The following LRRC3B variants were observed in gnomAD, a reference collection of about 807,000 sequenced individuals.
LRRC3B encodes the protein leucine rich repeat containing 3B, also known as leucine-rich repeat-containing protein 3B.
In LRRC3B, 2 loss-of-function variants were observed where a neutral mutation model predicts 12.8. The ratio of observed to expected loss-of-function variants is 0.16; its 90% CI spans 0.06 to 0.49. LRRC3B has a LOEUF of 0.49. Among genes scored for constraint, LRRC3B ranks in the 20% least tolerant of loss-of-function variants. The probability of loss-of-function intolerance (pLI) is 0.96; values close to 1 mark genes in which losing one functional copy is unlikely to be tolerated. For missense variants in LRRC3B, 189 were observed against 319.4 expected (o/e 0.59, Z 3.11); for synonymous variants, 132 against 122.0 (o/e 1.08, Z -0.54).
chr3:26,667,119 G>GAA (rs368094321), intron 1 of LRRC3B, among the ~76,000 whole-genome samples: 6,123 of 101,472 alleles, frequency 0.06, 328 homozygotes, highest in African/African-American at 0.11. Flanking sequence ...TCACTTTCAA[G>GAA]AAAAAAAAAA....
chr3:26,660,768 G>A (rs1412356620), intron 1 of LRRC3B, among the ~76,000 whole-genome samples: 2 of 152,106 alleles, frequency 1.3e-5, no homozygotes, highest in Non-Finnish European at 2.9e-5. Context: ...AGACCTTGAG[G>A]TCAGAGAGCA....
At chr3:26,663,472 T>C (rs540438925) in intron 1 of LRRC3B, among the ~76,000 whole-genome samples, 1 of 152,322 alleles carries the variant, frequency 6.6e-6, no homozygotes, top group East Asian at 1.9e-4. Flanking sequence ...AATGTAATCA[T>C]GCCTAAATTG....
intron 1 of LRRC3B, 35 bp from the exon 2 acceptor site, chr3:26,709,478 A>G: frequency 1.6e-6 from 1 of 606,904 alleles, no homozygotes; most frequent in Non-Finnish European, 2.9e-6. Flanking sequence ...TCCCTTTGCA[A>G]AGGAACTAAT....
intron 1 of LRRC3B, among the ~76,000 whole-genome samples, chr3:26,707,324 C>T (rs569135772): frequency 3.9e-5 from 6 of 152,144 alleles, no homozygotes; most frequent in Non-Finnish European, 8.8e-5. Flanking sequence ...CGAGATCACA[C>T]CACTGCTCTC....
In LRRC3B at chr3:26,709,567, T is replaced by C; in HGVS notation, c.-106T>C. 7 of 1,161,060 alleles carry C rather than the reference T, an allele frequency of 6.0e-6. No individual in the cohort carries two copies. In the South Asian group the frequency reaches 1.0e-4, roughly 17 times the overall value. 71.9% of individuals were successfully genotyped at this position (1,161,060 alleles called of 1,614,324 possible). A position where few individuals can be genotyped will look rare whatever the true frequency, so the allele number is the denominator to read the frequency against. ...AGACACATGTGTTAGCTGCAGCCTT[T>C]TGAAACACGCAAGAAGGAAATCAAT... On this transcript the variant is annotated 5_prime_UTR_variant, in exon 2 of 2. Transcript: ENST00000396641.
At chr3:26,702,098 A>T (rs1396007324) in intron 1 of LRRC3B, among the ~76,000 whole-genome samples, 1 of 152,188 alleles carries the variant, frequency 6.6e-6, no homozygotes, top group Non-Finnish European at 1.5e-5. Flanking sequence ...GCAATGTGAG[A>T]ATGTAAAATG....
At chr3:26,646,087 T>C (rs1699137996) in intron 1 of LRRC3B, among the ~76,000 whole-genome samples, 1 of 152,180 alleles carries the variant, frequency 6.6e-6, no homozygotes, top group African/African-American at 2.4e-5. Context: ...TATACACTTA[T>C]CGTTCATAAT....
At chr3:26,674,722 C>A (rs1170831074) in intron 1 of LRRC3B, among the ~76,000 whole-genome samples, 2 of 152,074 alleles carry the variant, frequency 1.3e-5, no homozygotes, top group East Asian at 3.9e-4. Context: ...CCGGGAAGCC[C>A]CACAAACATC....
intron 1 of LRRC3B, among the ~76,000 whole-genome samples, chr3:26,645,199 A>C (rs1047433094): frequency 2.0e-5 from 3 of 152,202 alleles, no homozygotes; most frequent in Admixed American, 2.0e-4. Context: ...GAAATCTCAG[A>C]GATAAATCTT....
intron 1 of LRRC3B, among the ~76,000 whole-genome samples, chr3:26,641,774 T>C (rs9810501): frequency 6.6e-6 from 1 of 151,760 alleles, no homozygotes; most frequent in African/African-American, 2.4e-5. Context: ...TTAATAAATT[T>C]AAAAAAATCA....
intron 1 of LRRC3B, among the ~76,000 whole-genome samples, chr3:26,667,662 G>C (rs934605555): frequency 6.6e-6 from 1 of 152,054 alleles, no homozygotes; most frequent in East Asian, 1.9e-4. Context: ...CTTTAAAAAA[G>C]ATTTTCTGGA....
At chr3:26,704,597 G>A (rs969699786) in intron 1 of LRRC3B, among the ~76,000 whole-genome samples, 1 of 151,478 alleles carries the variant, frequency 6.6e-6, no homozygotes, top group African/African-American at 2.4e-5. Flanking sequence ...ACAGGGTCTT[G>A]CTATGTTGCC....
intron 1 of LRRC3B, among the ~76,000 whole-genome samples, chr3:26,647,437 A>C (rs989373089): frequency 6.6e-6 from 1 of 152,198 alleles, no homozygotes; most frequent in East Asian, 1.9e-4. Context: ...GATGGAAGTT[A>C]CTTGGAACTC....
At chr3:26,708,962 C>T (rs193174374) in intron 1 of LRRC3B, among the ~76,000 whole-genome samples, 112 of 152,190 alleles carry the variant, frequency 7.4e-4, no homozygotes, top group African/African-American at 2.2e-3. Context: ...GGTTGTCAGC[C>T]TCTAGCAATA....
At chr3:26,710,164 T>A in exon 2 of LRRC3B, 1 of 1,613,908 alleles carries the variant, frequency 6.2e-7, no homozygotes, top group African/African-American at 1.3e-5. Context: ...CGTCCAATCA[T>A]GAGACAGCCC....
exon 2 of LRRC3B, chr3:26,709,608 G>A: frequency 1.3e-6 from 2 of 1,522,380 alleles, no homozygotes; most frequent in Non-Finnish European, 1.8e-6. Flanking sequence ...GGACAGGGCT[G>A]GAACCTTTAC....
intron 1 of LRRC3B, among the ~76,000 whole-genome samples, chr3:26,671,119 C>T (rs1374774778): frequency 2.9e-5 from 4 of 137,858 alleles, no homozygotes; most frequent in Admixed American, 7.2e-5. Context: ...GGGTTCACGC[C>T]ATTCTCCTGC....
At chr3:26,627,076 T>G (rs1698643592) in intron 1 of LRRC3B, among the ~76,000 whole-genome samples, 1 of 152,148 alleles carries the variant, frequency 6.6e-6, no homozygotes, top group Non-Finnish European at 1.5e-5. Context: ...AGAGGAAAAA[T>G]AGTTCTTTGT....
intron 1 of LRRC3B, among the ~76,000 whole-genome samples, chr3:26,652,789 A>C (rs553495983): frequency 1.3e-5 from 2 of 152,176 alleles, no homozygotes; most frequent in Non-Finnish European, 2.9e-5. Flanking sequence ...AAAGTATAAA[A>C]TTCTAACAGT....
Sources: allele counts gnomAD v4.1 joint callset (sites outside exome capture counted in the v4.1 genomes callset), GRCh38; gene constraint gnomAD v4.1.1; transcripts MANE v1.5; gene names NCBI Gene and HGNC (gene_info 2026-07-23, HGNC 2026-07-21).